DGLUCY: variants seen among roughly 807,000 people sequenced by gnomAD.
DGLUCY encodes the protein D-glutamate cyclase.
In DGLUCY, 58 loss-of-function variants were observed where a neutral mutation model predicts 58.5. The ratio of observed to expected loss-of-function variants is 0.99; its 90% CI spans 0.80 to 1.23. The LOEUF is 1.23. Ranked by LOEUF, DGLUCY falls within the 50% of genes most tolerant of loss-of-function variation. The pLI, the probability that DGLUCY is intolerant of heterozygous loss-of-function variation, is 0.00. For missense variants in DGLUCY, 779 were observed against 784.7 expected (o/e 0.99, Z 0.09); for synonymous variants, 325 against 314.1 (o/e 1.03, Z -0.37).
upstream of DGLUCY, among the ~76,000 whole-genome samples, chr14:91,110,435 T>C (rs866173741): frequency 8.3e-4 from 122 of 146,472 alleles, no homozygotes; most frequent in South Asian, 0.016. Context: ...TCTTTCTTTT[T>C]TTTTTTTTTT....
At chr14:91,151,771 C>G (rs1001263543) in intron 1 of DGLUCY, among the ~76,000 whole-genome samples, 1 of 151,824 alleles carries the variant, frequency 6.6e-6, no homozygotes, top group East Asian at 1.9e-4. Flanking sequence ...TCTCCTGTCT[C>G]AGCCTCCTGA....
At chr14:91,149,058 A>T (rs1180572976) in intron 1 of DGLUCY, among the ~76,000 whole-genome samples, 1 of 151,798 alleles carries the variant, frequency 6.6e-6, no homozygotes, top group Non-Finnish European at 1.5e-5. Context: ...GATCAGCCTG[A>T]CCAACATGGA....
intron 8 of DGLUCY, among the ~76,000 whole-genome samples, chr14:91,182,721 G>A (rs950127282): frequency 2.0e-5 from 3 of 152,108 alleles, no homozygotes; most frequent in Admixed American, 2.0e-4. Context: ...ACTTCTCCGG[G>A]GATCCCAGTG....
At chr14:91,095,669 T>C (rs1566938469) in intron 1 of DGLUCY, among the ~76,000 whole-genome samples, 1 of 152,154 alleles carries the variant, frequency 6.6e-6, no homozygotes. Flanking sequence ...TTATTTATAG[T>C]GTGGGATGGG....
chr14:91,144,126 CAT>C (rs773913275), intron 1 of DGLUCY, among the ~76,000 whole-genome samples: 1 of 152,210 alleles, frequency 6.6e-6, no homozygotes, highest in East Asian at 1.9e-4. Flanking sequence ...AATGAGATGA[CAT>C]ATGTCAAGCA....
intron 1 of DGLUCY, among the ~76,000 whole-genome samples, chr14:91,151,233 TTTG>T (rs898434528): frequency 2.0e-5 from 3 of 152,236 alleles, no homozygotes; most frequent in African/African-American, 7.2e-5. Context: ...TTCTTATTTC[TTTG>T]TTGTTGTTGT....
At chr14:91,181,890 C>T (rs970628345) in intron 8 of DGLUCY, among the ~76,000 whole-genome samples, 2 of 151,230 alleles carry the variant, frequency 1.3e-5, no homozygotes, top group African/African-American at 2.4e-5. Flanking sequence ...CATGATCCGC[C>T]CACCTTGGCC....
intron 3 of DGLUCY, among the ~76,000 whole-genome samples, chr14:91,161,475 T>C (rs957974178): frequency 2.6e-5 from 4 of 152,192 alleles, no homozygotes; most frequent in African/African-American, 9.7e-5. Flanking sequence ...TGGTGTCTGT[T>C]GGGGATAGAC....
chr14:91,117,547 A>G (rs1211356840), intron 1 of DGLUCY, among the ~76,000 whole-genome samples: 1 of 152,140 alleles, frequency 6.6e-6, no homozygotes, highest in Non-Finnish European at 1.5e-5. Context: ...TAAAATAGGG[A>G]TAACAGCCCT....
chr14:91,087,034 A>G (rs1026739487), intron 1 of DGLUCY, among the ~76,000 whole-genome samples: 1 of 152,198 alleles, frequency 6.6e-6, no homozygotes, highest in Admixed American at 6.5e-5. Flanking sequence ...AGGGCTGCAC[A>G]TGCAGGTGGC....
chr14:91,130,375 C>A (rs1566955583), intron 1 of DGLUCY, among the ~76,000 whole-genome samples: 1 of 150,068 alleles, frequency 6.7e-6, no homozygotes, highest in Non-Finnish European at 1.5e-5. Context: ...ATCTCAGCAA[C>A]CAGCAACCTG....
chr14:91,202,266 G>T lies in DGLUCY; in HGVS notation c.1444+2361G>T, dbSNP rs143866126. On this transcript the variant is annotated intron_variant, in intron 11 of 13. Transcript: ENST00000256324. ...TAGGAGTAGACTGCAGACTCCTGGG[G>T]CCCCAGCCCTTTATCAGGGAATCAT... is the stretch of plus-strand genomic sequence containing the variant. Among the ~76,000 whole-genome samples the T allele has an allele frequency of 6.0e-3, 912 of 152,048 alleles. 3 individuals are homozygous for T. The highest frequency in any genetic ancestry group is 9.6e-3 in the Non-Finnish European group (654 of 67,992).
At chr14:91,159,519 T>C (rs1466043459) in intron 2 of DGLUCY, among the ~76,000 whole-genome samples, 1 of 152,220 alleles carries the variant, frequency 6.6e-6, no homozygotes, top group East Asian at 1.9e-4. Context: ...TCCTAGAGAT[T>C]TGAGACCACC....
intron 3 of DGLUCY, among the ~76,000 whole-genome samples, chr14:91,166,959 T>TA (rs1390153807): frequency 6.6e-6 from 1 of 152,072 alleles, no homozygotes; most frequent in Non-Finnish European, 1.5e-5. Flanking sequence ...ATCCCATGTA[T>TA]ATTTTTAGTC....
chr14:91,078,328 T>G (rs1258388947), intron 1 of DGLUCY, among the ~76,000 whole-genome samples: 1 of 152,222 alleles, frequency 6.6e-6, no homozygotes, highest in Non-Finnish European at 1.5e-5. Flanking sequence ...TAATGAGCAA[T>G]TAGATTGAGT....
chr14:91,185,638 G>A (rs940603004), intron 8 of DGLUCY: 23 of 150,844 alleles, frequency 1.5e-4, no homozygotes, highest in Admixed American at 1.5e-3. Context: ...TACCCAAGCT[G>A]ATGGCTCTCC....
At chr14:91,108,487 TTGTGTGTG>T (rs34711327) in intron 1 of DGLUCY, among the ~76,000 whole-genome samples, 16 of 74,962 alleles carry the variant, frequency 2.1e-4, no homozygotes, top group Non-Finnish European at 3.0e-4. Context: ...CTTGAAGAAT[TTGTGTGTG>T]TGTGTGTGTG....
At chr14:91,181,977 A>T (rs1413114505) in intron 8 of DGLUCY, among the ~76,000 whole-genome samples, 1 of 147,516 alleles carries the variant, frequency 6.8e-6, no homozygotes, top group Non-Finnish European at 1.5e-5. Flanking sequence ...TTATTTATTT[A>T]TTTATTTATT....
intron 1 of DGLUCY, among the ~76,000 whole-genome samples, chr14:91,155,322 C>T (rs967880515): frequency 2.6e-5 from 4 of 152,144 alleles, no homozygotes; most frequent in South Asian, 2.1e-4. Context: ...AACTGTGAAC[C>T]GGCCAGAAGT....
Sources: allele counts gnomAD v4.1 joint callset (sites outside exome capture counted in the v4.1 genomes callset), GRCh38; gene constraint gnomAD v4.1.1; transcripts MANE v1.5; gene names NCBI Gene and HGNC (gene_info 2026-07-23, HGNC 2026-07-21).